Variants in RAB31 observed in about 807,000 individuals in gnomAD.
RAB31 encodes the protein ras-related protein Rab-31.
In RAB31, 21 loss-of-function variants were observed where a neutral mutation model predicts 25.6. That is an observed-to-expected ratio of 0.82 (90% CI 0.58 to 1.18). RAB31 has a LOEUF of 1.18. RAB31 is among the 50% of genes most tolerant of loss of function. RAB31 has a pLI of 0.00. For missense variants in RAB31, 196 were observed against 250.1 expected (o/e 0.78, Z 1.46); for synonymous variants, 87 against 84.0 (o/e 1.04, Z -0.20).
At chr18:9,788,474 A>G (rs181270653) in intron 2 of RAB31, among the ~76,000 whole-genome samples, 2 of 152,384 alleles carry the variant, frequency 1.3e-5, no homozygotes, top group African/African-American at 4.8e-5. Flanking sequence ...TAGTACAGAC[A>G]TTATGGAAGA....
Position 9,832,026 on chromosome 18 carries a change from A to C in RAB31, c.381-13556A>C, listed in dbSNP as rs558587972. ...CTGGCCCCCTGTGGACGGCAGTGCT[A>C]GTGATGGACAGAATCCTGGGACTAG... is the stretch of plus-strand genomic sequence containing the variant. On this transcript the variant is annotated intron_variant, in intron 5 of 6. Transcript: ENST00000578921. Among the ~76,000 whole-genome samples the C allele has an allele frequency of 3.3e-5, 5 of 152,270 alleles. No individual in the cohort carries two copies. The East Asian group carries it at 9.7e-4, about 29-fold the overall frequency.
At chr18:9,838,176 G>C (rs1369587424) in intron 5 of RAB31, among the ~76,000 whole-genome samples, 2 of 152,208 alleles carry the variant, frequency 1.3e-5, no homozygotes, top group African/African-American at 2.4e-5. Flanking sequence ...CAGCCTGGTG[G>C]AATGCATGGA....
At chr18:9,743,180 A>T (rs961454282) in intron 1 of RAB31, among the ~76,000 whole-genome samples, 1 of 152,146 alleles carries the variant, frequency 6.6e-6, no homozygotes, top group South Asian at 2.1e-4. Flanking sequence ...TTTTCCTTGA[A>T]TTTTTTGATT....
intron 5 of RAB31, among the ~76,000 whole-genome samples, chr18:9,834,602 A>T (rs1476847): frequency 6.6e-5 from 10 of 152,164 alleles, no homozygotes; most frequent in African/African-American, 2.4e-4. Flanking sequence ...TTACAGAGAC[A>T]TAAGGAAAGA....
At chr18:9,811,900 A>G (rs1355741135) in intron 3 of RAB31, among the ~76,000 whole-genome samples, 2 of 152,256 alleles carry the variant, frequency 1.3e-5, no homozygotes, top group African/African-American at 4.8e-5. Flanking sequence ...TTACATACAT[A>G]TATGTATTAA....
intron 5 of RAB31, among the ~76,000 whole-genome samples, chr18:9,824,749 A>T (rs2068641799): frequency 6.6e-6 from 1 of 152,216 alleles, no homozygotes; most frequent in African/African-American, 2.4e-5. Flanking sequence ...AGGTACACTC[A>T]GGATTTTTAG....
intron 1 of RAB31, among the ~76,000 whole-genome samples, chr18:9,760,168 G>GT (rs886372973): frequency 1.4e-3 from 15 of 10,590 alleles, no homozygotes; most frequent in African/African-American, 3.8e-3. Flanking sequence ...TTTTCTTTTT[G>GT]TTTTTGTTTT....
At chr18:9,745,445 A>G (rs761881879) in intron 1 of RAB31, among the ~76,000 whole-genome samples, 2 of 152,202 alleles carry the variant, frequency 1.3e-5, no homozygotes, top group Non-Finnish European at 2.9e-5. Flanking sequence ...TTATTTTATG[A>G]GGCCAGCATT....
intron 1 of RAB31, among the ~76,000 whole-genome samples, chr18:9,751,386 C>T (rs2068234313): frequency 6.6e-6 from 1 of 152,184 alleles, no homozygotes; most frequent in South Asian, 2.1e-4. Flanking sequence ...TTAGAGGATA[C>T]ACACAGCTTT....
chr18:9,768,876 G>T (rs2068330055), intron 1 of RAB31, among the ~76,000 whole-genome samples: 4 of 152,178 alleles, frequency 2.6e-5, no homozygotes, highest in Admixed American at 1.3e-4. Flanking sequence ...TTTGTATAAG[G>T]TGTAAGGAAG....
chr18:9,768,545 G>T (rs528983676), intron 1 of RAB31, among the ~76,000 whole-genome samples: 42 of 151,212 alleles, frequency 2.8e-4, no homozygotes, highest in East Asian at 9.7e-4. Flanking sequence ...TTTTGATGGG[G>T]TTTTTTTTTC....
rs753758235 is a variant in RAB31, at chr18:9,853,318, G to A, written c.491-5910G>A. Among the ~76,000 whole-genome samples the A allele has an allele frequency of 4.6e-5, 7 of 151,980 alleles. No homozygotes were observed. In the East Asian group the frequency reaches 9.7e-4, roughly 21 times the overall value. The stretch of plus-strand genomic sequence containing the variant: ...AATGTTAAAATAAAAAAAATTAAAG[G>A]GATACATCCATATAATGGAATATTA... On this transcript the variant is annotated intron_variant, in intron 6 of 6. Transcript: ENST00000578921.
intron 5 of RAB31, among the ~76,000 whole-genome samples, chr18:9,841,818 A>G (rs1213940953): frequency 6.6e-6 from 1 of 152,200 alleles, no homozygotes; most frequent in East Asian, 1.9e-4. Context: ...AGCCAAGGGA[A>G]CTGCATTCCA....
At chr18:9,830,818 T>C (rs2068674335) in intron 5 of RAB31, among the ~76,000 whole-genome samples, 1 of 152,252 alleles carries the variant, frequency 6.6e-6, no homozygotes, top group Non-Finnish European at 1.5e-5. Context: ...TAACTATCTT[T>C]CATAAGCTTT....
Position 9,792,177 on chromosome 18 carries a change from T to G in RAB31, c.143T>G (p.Val48Gly). The G allele has an allele frequency of 6.2e-7, 1 of 1,612,192 alleles. No individual in the cohort carries two copies. The highest frequency in any genetic ancestry group is 8.5e-7 in the Non-Finnish European group (1 of 1,179,064). Residue 48 changes from valine to glycine, a missense_variant, in exon 3 of 7, where the codon GTG becomes GGG. Coordinates refer to ENST00000578921, the MANE Select transcript of RAB31 (RefSeq NM_006868.4). ...TIGASFMTKT[V>G]PCGNELHKFL... ...AGGGCATCTTTTATGACCAAAACTG[T>G]GCCTTGTGGAAATGAACTTCACAAG...
intron 5 of RAB31, among the ~76,000 whole-genome samples, chr18:9,820,241 C>T (rs1055997006): frequency 6.6e-6 from 1 of 151,966 alleles, no homozygotes. Context: ...TTGTTGAAGG[C>T]TTTTTGTCAT....
chr18:9,736,038 G>A (rs2068149474), intron 1 of RAB31, among the ~76,000 whole-genome samples: 1 of 151,840 alleles, frequency 6.6e-6, no homozygotes, highest in South Asian at 2.1e-4. Flanking sequence ...GGTCTCACTA[G>A]GTTGCCCCGG....
intron 3 of RAB31, among the ~76,000 whole-genome samples, chr18:9,801,606 A>C (rs543184443): frequency 7.2e-5 from 11 of 152,236 alleles, no homozygotes; most frequent in Admixed American, 1.3e-4. Flanking sequence ...AAAATCTCTT[A>C]GGTATGTATC....
rs972635845 is a variant in RAB31 at position 9,750,221 on chromosome 18, C to T, written c.40-25057C>T. On this transcript the variant is annotated intron_variant, in intron 1 of 6. Transcript: ENST00000578921. The stretch of plus-strand genomic sequence containing the variant: ...TGCCAGCCTTTCTGCAACTGGTTTG[C>T]GGGAGTGTAAACAACTAGCTGGTTT... Among the ~76,000 whole-genome samples, 10 of 152,016 alleles carry T rather than the reference C, an allele frequency of 6.6e-5. No homozygotes were observed. In the East Asian group the frequency reaches 7.7e-4, roughly 12 times the overall value.
Sources: allele counts gnomAD v4.1 joint callset (sites outside exome capture counted in the v4.1 genomes callset), GRCh38; gene constraint gnomAD v4.1.1; transcripts MANE v1.5; gene names NCBI Gene and HGNC (gene_info 2026-07-23, HGNC 2026-07-21).